The following PCDHGB4 variants were observed in gnomAD, a reference collection of about 807,000 sequenced individuals.
PCDHGB4 encodes the protein protocadherin gamma-B4.
A neutral mutation model predicts 60.5 loss-of-function variants in PCDHGB4; 38 were observed. The observed-to-expected ratio is 0.63, with a 90% CI of 0.48 to 0.82. The LOEUF (loss-of-function observed/expected upper bound fraction) is 0.82. Among genes scored for constraint, PCDHGB4 ranks in the 40% least tolerant of loss-of-function variants. The pLI is 0.00. For synonymous variants in PCDHGB4, 456 were observed against 509.7 expected (o/e 0.89, Z 1.42); for missense variants, 1,109 against 1,209.6 (o/e 0.92, Z 1.23).
In PCDHGB4 at chr5:141,473,538, T is replaced by C. The variant is rs544537855; in HGVS notation, c.2398-21269T>C. Among the ~76,000 whole-genome samples, 58 of 152,328 alleles carry C rather than the reference T, an allele frequency of 3.8e-4. 1 individual carries two copies. Among genetic ancestry groups the C allele is most frequent in the African/African-American group, 1.3e-3 (55 of 41,576 alleles). Reference sequence around the variant, plus strand: ...AAGGATCCTGGTTTTAACTGGGGCCTAATGGAAGACCTCTATTAGGAAATA... The same window carrying C: ...AAGGATCCTGGTTTTAACTGGGGCCCAATGGAAGACCTCTATTAGGAAATA... On this transcript the variant is annotated intron_variant, in intron 1 of 3. Coordinates refer to ENST00000519479, the MANE Select transcript of PCDHGB4 (RefSeq NM_003736.4).
chr5:141,430,975 G>A (rs776670383), intron 1 of PCDHGB4: 2 of 1,613,208 alleles, frequency 1.2e-6, no homozygotes, highest in Admixed American at 1.7e-5. Flanking sequence ...GAGGTAGGAC[G>A]CAGCTTTTCG....
intron 1 of PCDHGB4, among the ~76,000 whole-genome samples, chr5:141,437,741 CT>C (rs35124340): frequency 3.0e-3 from 425 of 141,590 alleles, no homozygotes; most frequent in African/African-American, 3.7e-3. Context: ...TTGAGTTCAC[CT>C]TTTTTTTTTT....
chr5:141,468,950 T>TG (rs752125489), intron 1 of PCDHGB4, among the ~76,000 whole-genome samples: 34 of 140,680 alleles, frequency 2.4e-4, no homozygotes, highest in African/African-American at 4.9e-4. Context: ...GGTAAACCTG[T>TG]GGTTTTTTTT....
intron 1 of PCDHGB4, chr5:141,398,248 A>G (rs908511447): frequency 1.4e-6 from 2 of 1,472,692 alleles, no homozygotes; most frequent in African/African-American, 2.9e-5. Flanking sequence ...TCCCGAGGAA[A>G]TGCCCAAGGG....
At chr5:141,436,473 C>CA (rs2097825744) in intron 1 of PCDHGB4, among the ~76,000 whole-genome samples, 1 of 152,112 alleles carries the variant, frequency 6.6e-6, no homozygotes, top group Non-Finnish European at 1.5e-5. Context: ...TCAGATGTAT[C>CA]ATAGAAGGAT....
chr5:141,410,629 C>A (rs1393614526), intron 1 of PCDHGB4: 1 of 1,601,482 alleles, frequency 6.2e-7, no homozygotes, highest in East Asian at 2.2e-5. Context: ...CGGTGAGTTT[C>A]TCTTTTTTGT....
rs576937130 is a variant in PCDHGB4 at position 141,427,508 on chromosome 5, G to A, written c.2397+37227G>A. ...ATAAGCTTGTAACAGATGGGACCCT[G>A]GATTGGGAGCGGATCCCGGAGTACA... On this transcript the variant is annotated intron_variant, in intron 1 of 3. Transcript: ENST00000519479. 9.9e-4 allele frequency: 584 copies of A among 587,058 alleles called. 6 individuals carry two copies. The highest frequency in any genetic ancestry group is 3.0e-4 in the Non-Finnish European group (94 of 311,294). The allele number at this position is 587,058 out of a possible 1,614,324, so 36.4% of individuals were successfully genotyped here.
intron 2 of PCDHGB4, among the ~76,000 whole-genome samples, chr5:141,498,710 T>C (rs2099785302): frequency 1.3e-5 from 2 of 152,108 alleles, no homozygotes. Flanking sequence ...GGTGGGTGGA[T>C]CACCTGAGGT....
chr5:141,448,786 A>C (rs1354591718), intron 1 of PCDHGB4, among the ~76,000 whole-genome samples: 1 of 148,848 alleles, frequency 6.7e-6, no homozygotes, highest in African/African-American at 2.5e-5. Flanking sequence ...TAAAAATACA[A>C]AAAAAAAAAT....
intron 1 of PCDHGB4, among the ~76,000 whole-genome samples, chr5:141,446,120 T>C (rs2098489182): frequency 6.6e-6 from 1 of 152,196 alleles, no homozygotes; most frequent in Admixed American, 6.5e-5. Flanking sequence ...AGGAAATGGG[T>C]TCAATAAGAC....
intron 1 of PCDHGB4, among the ~76,000 whole-genome samples, chr5:141,406,668 G>A (rs1415631899): frequency 3.3e-5 from 5 of 152,122 alleles, no homozygotes; most frequent in African/African-American, 7.2e-5. Flanking sequence ...TTAAATTATG[G>A]AGAATAGTAG....
At chr5:141,421,271 T>G in intron 1 of PCDHGB4, 1 of 1,612,330 alleles carries the variant, frequency 6.2e-7, no homozygotes, top group Non-Finnish European at 8.5e-7. Context: ...CGGCTGCTGC[T>G]GCTGCTGTGC....
chr5:141,469,603 GTAAAA>G (rs929191572), intron 1 of PCDHGB4, among the ~76,000 whole-genome samples: 9 of 152,038 alleles, frequency 5.9e-5, no homozygotes, highest in Admixed American at 1.3e-4. Context: ...AACAAAATAA[GTAAAA>G]TAAAATAAAT....
At chr5:141,399,944 A>G (rs769384438) in intron 1 of PCDHGB4, 2 of 1,612,254 alleles carry the variant, frequency 1.2e-6, no homozygotes, top group South Asian at 2.2e-5. Context: ...CACGTGCTGC[A>G]GGCTAGCGAG....
Position 141,476,556 on chromosome 5 carries a change from C to A in PCDHGB4, c.2398-18251C>A. 1 of 1,614,234 alleles carries A rather than the reference C, an allele frequency of 6.2e-7. No homozygotes were observed. Among genetic ancestry groups the A allele is most frequent in the Non-Finnish European group, 8.5e-7 (1 of 1,180,036 alleles). ...GAAATGAAATTGGAGATTAGCGAGG[C>A]CGTGGCTCCGGGGACGCGCTTTCCG... On this transcript the variant is annotated intron_variant, in intron 1 of 3. Coordinates refer to ENST00000519479, the MANE Select transcript of PCDHGB4 (RefSeq NM_003736.4). The surrounding 1 kb of genome is among the most constrained non-coding windows in gnomAD (Gnocchi z 7.6).
chr5:141,415,759 T>TG (rs2095937522), intron 1 of PCDHGB4: 3 of 1,352,056 alleles, frequency 2.2e-6, no homozygotes, highest in Non-Finnish European at 2.9e-6. Flanking sequence ...TTTTTTTTTT[T>TG]TTTTTTTTTT....
chr5:141,492,553 G>C (rs1184580300), intron 1 of PCDHGB4, among the ~76,000 whole-genome samples: 1 of 152,148 alleles, frequency 6.6e-6, no homozygotes, highest in Non-Finnish European at 1.5e-5. Flanking sequence ...CGGGTCGCCT[G>C]GGGGGCGGCC....
intron 1 of PCDHGB4, chr5:141,413,659 A>G (rs2095663872): frequency 1.2e-6 from 2 of 1,613,830 alleles, no homozygotes; most frequent in African/African-American, 1.3e-5. Flanking sequence ...CCCGGAAGCT[A>G]TTGATCCGGA....
chr5:141,484,709 C>G (rs1223957454), intron 1 of PCDHGB4, among the ~76,000 whole-genome samples: 1 of 151,072 alleles, frequency 6.6e-6, no homozygotes, highest in Non-Finnish European at 1.5e-5. Context: ...TTTTCCCCGC[C>G]GAAAAGGGGC....
Sources: gnomAD v4.1 joint callset for allele counts (sites outside exome capture counted in the v4.1 genomes callset) on GRCh38, gnomAD v4.1.1 for gene constraint, Gnocchi (gnomAD v3.1) non-coding constraint, MANE v1.5 for transcripts, NCBI Gene and HGNC (gene_info 2026-07-23, HGNC 2026-07-21) for gene names.